Variants in SPHKAP observed in about 807,000 individuals in gnomAD.
The protein encoded by SPHKAP is SPHK1 interactor, AKAP domain containing.
A neutral mutation model predicts 137.5 loss-of-function variants in SPHKAP; 67 were observed. The observed-to-expected ratio is 0.49, with a 90% CI of 0.40 to 0.60. The LOEUF is 0.60. Ranked by LOEUF, SPHKAP falls within the 20% of genes least tolerant of loss-of-function variation. SPHKAP has a pLI of 0.00. For missense variants in SPHKAP, 2,097 were observed against 2,069.3 expected (o/e 1.01, Z -0.26); for synonymous variants, 813 against 785.3 (o/e 1.04, Z -0.59).
intron 1 of SPHKAP, among the ~76,000 whole-genome samples, chr2:228,138,420 C>T (rs1336758610): frequency 6.6e-6 from 1 of 152,166 alleles, no homozygotes; most frequent in Non-Finnish European, 1.5e-5. Context: ...TTTTCATTTA[C>T]TGCTGTGTAC....
intron 7 of SPHKAP, among the ~76,000 whole-genome samples, chr2:227,997,514 T>C (rs1211742067): frequency 6.6e-6 from 1 of 152,234 alleles, no homozygotes; most frequent in Non-Finnish European, 1.5e-5. Context: ...TGTATATAAG[T>C]ATCCAATAAG....
rs183699522 is a variant in SPHKAP, at chr2:228,072,398, G to A, written c.246+36434C>T. 6.6e-5 allele frequency among the ~76,000 whole-genome samples: 10 copies of A among 152,108 alleles called. No homozygotes were observed. The East Asian group carries it at 9.7e-4, about 15-fold the overall frequency. ...GAAAAATTCAAGAAGGTGGGAACCC[G>A]AGAAGATGAGTTTTATTCATGCTAG... On this transcript the variant is annotated intron_variant, in intron 3 of 11. Transcript: ENST00000392056.
intron 8 of SPHKAP, chr2:227,994,184 G>T (rs1693535164): frequency 2.1e-6 from 1 of 485,468 alleles, no homozygotes; most frequent in Non-Finnish European, 2.7e-6. Flanking sequence ...TAAGTACAAA[G>T]CTGGGCAATG....
intron 7 of SPHKAP, among the ~76,000 whole-genome samples, chr2:228,003,083 A>G (rs1693973287): frequency 6.6e-6 from 1 of 152,128 alleles, no homozygotes; most frequent in Non-Finnish European, 1.5e-5. Context: ...ACTTTAAAGT[A>G]GTTTTTTCCA....
At chr2:228,165,986 A>G (rs964241570) in intron 1 of SPHKAP, among the ~76,000 whole-genome samples, 1 of 152,320 alleles carries the variant, frequency 6.6e-6, no homozygotes, top group East Asian at 1.9e-4. Context: ...GAAGAAAGTA[A>G]CATTACGGAA....
intron 7 of SPHKAP, among the ~76,000 whole-genome samples, chr2:227,996,524 C>T (rs190651348): frequency 3.3e-5 from 5 of 152,292 alleles, no homozygotes; most frequent in Admixed American, 6.5e-5. Context: ...ACAGTCGGTT[C>T]CTAAGCAATC....
At chr2:228,109,009 T>TC (rs1383565444) in intron 2 of SPHKAP, 70 bp from the exon 3 acceptor site, 1 of 945,096 alleles carries the variant, frequency 1.1e-6, no homozygotes, top group African/African-American at 1.7e-5. Flanking sequence ...CTCTCTCTCT[T>TC]TTTTTTTTTT....
chr2:228,121,480 C>T (rs1243746450), intron 2 of SPHKAP, among the ~76,000 whole-genome samples: 11 of 152,176 alleles, frequency 7.2e-5, no homozygotes, highest in Admixed American at 7.2e-4. Context: ...CACGCTACTG[C>T]ATTCCAGGCT....
At position 228,154,512 on chromosome 2, in the gene SPHKAP, C is replaced by CTCTATATATA. The variant is rs1393941364; in HGVS notation, c.33-22428_33-22427insTATATATAGA. Among the ~76,000 whole-genome samples the CTCTATATATA allele has an allele frequency of 6.1e-3, 134 of 22,046 alleles. 4 individuals are homozygous for CTCTATATATA. The highest frequency in any genetic ancestry group is 8.3e-3 in the East Asian group (3 of 360). The allele number at this position is 22,046 out of a possible 152,430, so 14.5% of individuals were successfully genotyped here. A position where few individuals can be genotyped will look rare whatever the true frequency, so the allele number is the denominator to read the frequency against. On this transcript the variant is annotated intron_variant, in intron 1 of 11. Coordinates refer to ENST00000392056, the MANE Select transcript of SPHKAP (RefSeq NM_001142644.2). ...TCTCTCTCTCTCTCTCTCTCTCTCTCTATATATATATATATATATATTTTT... is the reference window on the plus strand; with the variant it reads ...TCTCTCTCTCTCTCTCTCTCTCTCTCTCTATATATATATATATATATATATATATATTTTT...
At chr2:228,131,358 A>T in intron 2 of SPHKAP, 1 of 963,826 alleles carries the variant, frequency 1.0e-6, no homozygotes, top group Non-Finnish European at 1.2e-6. Flanking sequence ...TAGATGGGGA[A>T]CCAGGATCGT....
chr2:228,042,382 G>T (rs1166652470), intron 3 of SPHKAP, among the ~76,000 whole-genome samples: 1 of 151,876 alleles, frequency 6.6e-6, no homozygotes, highest in Non-Finnish European at 1.5e-5. Context: ...AAAGATAATG[G>T]CTTTATTCAG....
intron 11 of SPHKAP, among the ~76,000 whole-genome samples, chr2:227,988,316 T>C (rs1477302480): frequency 1.3e-5 from 2 of 152,212 alleles, no homozygotes; most frequent in Non-Finnish European, 2.9e-5. Context: ...TTATTTAGAA[T>C]TAAGTTTCTT....
At chr2:227,990,900 A>G in intron 11 of SPHKAP, 100 bp downstream of exon 11, 2 of 1,219,188 alleles carry the variant, frequency 1.6e-6, no homozygotes, top group Non-Finnish European at 1.2e-6. Flanking sequence ...AGTCAGGATC[A>G]AATAATTCAA....
intron 3 of SPHKAP, among the ~76,000 whole-genome samples, chr2:228,050,865 G>A (rs190090863): frequency 4.1e-4 from 62 of 152,118 alleles, no homozygotes; most frequent in Middle Eastern, 3.4e-3. Flanking sequence ...GGAGTGCTGT[G>A]GTATAATCTT....
chr2:227,981,883 G>A, intron 11 of SPHKAP, 23 bp from the exon 12 acceptor site: 1 of 1,607,640 alleles, frequency 6.2e-7, no homozygotes. Context: ...GGAGAGTTAG[G>A]GCTCACAGAG....
intron 3 of SPHKAP, among the ~76,000 whole-genome samples, chr2:228,071,006 C>CA (rs1696988189): frequency 6.6e-6 from 1 of 152,164 alleles, no homozygotes; most frequent in Non-Finnish European, 1.5e-5. Flanking sequence ...TGGCAAGGTA[C>CA]ATGATGATTT....
At chr2:228,128,593 A>G (rs1385724431) in intron 2 of SPHKAP, among the ~76,000 whole-genome samples, 1 of 152,168 alleles carries the variant, frequency 6.6e-6, no homozygotes, top group Admixed American at 6.6e-5. Context: ...TTTTCTATCT[A>G]CTTTGCCCAG....
Position 228,006,328 on chromosome 2 carries a change from G to A in SPHKAP, c.4448+10078C>T, listed in dbSNP as rs989974944. Among the ~76,000 whole-genome samples the A allele has an allele frequency of 7.2e-5, 11 of 152,118 alleles. No homozygotes were observed. In the East Asian group the frequency reaches 1.7e-3, roughly 24 times the overall value. ...CTGATACCCTTTCTTCCAGTTGATC[G>A]AATCGGCTACTGAAGCTTGTGCATT... On this transcript the variant is annotated intron_variant, in intron 7 of 11. Coordinates refer to ENST00000392056, the MANE Select transcript of SPHKAP (RefSeq NM_001142644.2).
At chr2:228,108,973 G>A (rs773951244) in intron 2 of SPHKAP, 34 bp from the exon 3 acceptor site, 7 of 1,412,180 alleles carry the variant, frequency 5.0e-6, no homozygotes, top group Non-Finnish European at 5.8e-6. Context: ...GTTCTTATTC[G>A]GCAATCCTTT....
Sources: gnomAD v4.1 joint callset for allele counts (sites outside exome capture counted in the v4.1 genomes callset) on GRCh38, gnomAD v4.1.1 for gene constraint, MANE v1.5 for transcripts, NCBI Gene and HGNC (gene_info 2026-07-23, HGNC 2026-07-21) for gene names.